The following TUBGCP4 variants were observed in gnomAD, a reference collection of about 807,000 sequenced individuals.
TUBGCP4 encodes the protein tubulin gamma complex component 4.
Under a neutral mutation model 91.6 loss-of-function variants are expected in TUBGCP4, and 54 were observed. The ratio of observed to expected loss-of-function variants is 0.59; its 90% CI spans 0.47 to 0.74. The LOEUF is 0.74. Among genes scored for constraint, TUBGCP4 ranks in the 30% least tolerant of loss-of-function variants. The pLI is 0.00. For synonymous variants in TUBGCP4, 297 were observed against 302.8 expected (o/e 0.98, Z 0.20); for missense variants, 593 against 800.9 (o/e 0.74, Z 3.13).
Position 43,395,043 on chromosome 15 carries a change from C to A in TUBGCP4, c.1015-64C>A, listed in dbSNP as rs376936296. 4.1e-5 allele frequency: 63 copies of A among 1,552,966 alleles called. 1 individual carries two copies. In the African/African-American group the frequency reaches 7.5e-4, roughly 18 times the overall value. On this transcript the variant is annotated intron_variant, in intron 9 of 17. Transcript: ENST00000564079. Reference sequence around the variant, plus strand: ...AATACATTGCTGGATTTGTATGGAACCATTCTTTGCAGGAGTTCTCACTGT... The same window carrying A: ...AATACATTGCTGGATTTGTATGGAAACATTCTTTGCAGGAGTTCTCACTGT...
intron 15 of TUBGCP4, chr15:43,402,335 A>C (rs531006792): frequency 6.5e-6 from 1 of 154,286 alleles, no homozygotes; most frequent in East Asian, 1.9e-4. Flanking sequence ...AAGGCATGTT[A>C]AACGGGACCT....
intron 7 of TUBGCP4, chr15:43,385,383 T>G (rs2044339871): frequency 2.2e-6 from 1 of 457,384 alleles, no homozygotes; most frequent in African/African-American, 2.0e-5. Flanking sequence ...GAAGACGATG[T>G]GATTGTATAG....
Position 43,381,517 on chromosome 15 carries a change from G to A in TUBGCP4, c.521+1354G>A, listed in dbSNP as rs112481969. Among the ~76,000 whole-genome samples, 726 of 152,202 alleles carry A rather than the reference G, an allele frequency of 4.8e-3. 9 individuals are homozygous for A. The highest frequency in any genetic ancestry group is 0.017 in the African/African-American group (710 of 41,550). On this transcript the variant is annotated intron_variant, in intron 6 of 17. Transcript: ENST00000564079. The stretch of plus-strand genomic sequence containing the variant: ...TTTGGAAGGCTGAGGCAGAGGGATC[G>A]CTTGAGCCCAGGAGTTCGAGACCAG...
At chr15:43,393,423 A>G (rs1418735666) in intron 9 of TUBGCP4, among the ~76,000 whole-genome samples, 3 of 151,092 alleles carry the variant, frequency 2.0e-5, no homozygotes. Context: ...GTTGGCCAGG[A>G]TGGTTTCGAT....
At position 43,379,640 on chromosome 15, in the gene TUBGCP4, C is replaced by CAA. The variant is rs1166566829; in HGVS notation, c.442-423_442-422dup. ...TGGGCGACAGAGCAAGACTCCGTCTCAAAAAAAAAAAAAAAAAAAAAAGTC... is the reference window on the plus strand; with the variant it reads ...TGGGCGACAGAGCAAGACTCCGTCTCAAAAAAAAAAAAAAAAAAAAAAAAGTC... On this transcript the variant is annotated intron_variant, in intron 5 of 17. Coordinates refer to ENST00000564079, the MANE Select transcript of TUBGCP4 (RefSeq NM_014444.5). Among the ~76,000 whole-genome samples the CAA allele has an allele frequency of 4.9e-3, 302 of 61,640 alleles. 1 individual carries two copies. The highest frequency in any genetic ancestry group is 0.012 in the Non-Finnish European group (258 of 22,040). The allele number at this position is 61,640 out of a possible 152,430, so 40.4% of individuals were successfully genotyped here. A position where few individuals can be genotyped will look rare whatever the true frequency, so the allele number is the denominator to read the frequency against.
intron 9 of TUBGCP4, among the ~76,000 whole-genome samples, chr15:43,390,822 A>T (rs1467147313): frequency 1.3e-5 from 2 of 151,484 alleles, no homozygotes; most frequent in African/African-American, 4.9e-5. Flanking sequence ...TCTTTAATTT[A>T]AAAAAAATTT....
intron 7 of TUBGCP4, among the ~76,000 whole-genome samples, chr15:43,384,310 A>G: frequency 6.6e-6 from 1 of 152,228 alleles, no homozygotes; most frequent in Non-Finnish European, 1.5e-5. Flanking sequence ...GAAGAGATAT[A>G]GAAAAGTAAA....
chr15:43,397,513 A>G (rs2044602065), intron 12 of TUBGCP4, among the ~76,000 whole-genome samples, 192 bp downstream of exon 12: 1 of 152,074 alleles, frequency 6.6e-6, no homozygotes, highest in South Asian at 2.1e-4. Context: ...TGCCCAGGCC[A>G]TGTTTTGGGG....
At position 43,383,445 on chromosome 15, in the gene TUBGCP4, G is replaced by A; in HGVS notation, c.664G>A (p.Glu222Lys). The A allele has an allele frequency of 7.4e-6, 12 of 1,614,070 alleles. No homozygotes were observed. Among genetic ancestry groups the A allele is most frequent in the South Asian group, 3.3e-5 (3 of 91,064 alleles). The change falls in exon 7 of 18, where the codon GAG becomes AAG. Residue 222 changes from glutamate to lysine, a missense_variant. Coordinates refer to ENST00000564079, the MANE Select transcript of TUBGCP4 (RefSeq NM_014444.5). The part of the protein sequence containing the change: ...GNVSAQPEED[E>K]EDLGIGGLTG... ...TGTCAGTGCCCAGCCAGAAGAGGAC[G>A]AGGAGGATCTGGGCATTGGGGGACT...
rs1443365096 is a variant in TUBGCP4 at position 43,376,241 on chromosome 15, C to T, written c.207+15C>T. On this transcript the variant is annotated intron_variant, in intron 2 of 17. Coordinates refer to ENST00000564079, the MANE Select transcript of TUBGCP4 (RefSeq NM_014444.5). ...TGCAACAGCAGGTGGGTCCTGTTCT[C>T]TGTGGGTGTACACCTCTAGAGGGCA... is the stretch of plus-strand genomic sequence containing the variant. The T allele has an allele frequency of 1.7e-5, 27 of 1,612,634 alleles. No homozygotes were observed. The highest frequency in any genetic ancestry group is 2.2e-5 in the East Asian group (1 of 44,878).
rs1001324267 is a variant in TUBGCP4 at position 43,409,438 on chromosome 15, T to G, written c.*4224T>G. The G allele has an allele frequency of 1.9e-6, 1 of 539,216 alleles. No individual in the cohort carries two copies. Among genetic ancestry groups the G allele is most frequent in the Non-Finnish European group, 3.3e-6 (1 of 305,452 alleles). 33.4% of individuals were successfully genotyped at this position (539,216 alleles called of 1,614,324 possible). On this transcript the variant is annotated 3_prime_UTR_variant, in exon 18 of 18. Coordinates refer to ENST00000564079, the MANE Select transcript of TUBGCP4 (RefSeq NM_014444.5). ...TTCTTTTGTCCCAGCAACAGAACCA[T>G]AGCCATTAACTAACCCAAGGTCCTA... is the stretch of plus-strand genomic sequence containing the variant.
intron 5 of TUBGCP4, 97 bp from the exon 6 acceptor site, chr15:43,379,987 C>T (rs1166629603): frequency 8.4e-7 from 1 of 1,185,948 alleles, no homozygotes; most frequent in Non-Finnish European, 1.3e-6. Flanking sequence ...CCCAGTCTCT[C>T]CTAGATTGTG....
intron 1 of TUBGCP4, among the ~76,000 whole-genome samples, chr15:43,372,525 T>A (rs776453796): frequency 2.7e-5 from 4 of 146,206 alleles, no homozygotes; most frequent in Non-Finnish European, 5.9e-5. Flanking sequence ...TAGATCTTAG[T>A]ACAATGCCAG....
rs2044997915 is a variant in TUBGCP4, at chr15:43,408,497, T to C, written c.*3283T>C. ...CTTCATCTTAAAAAACTAAGCCCTATATTAGGGTCCCCCTTCTCTTCCTTC... is the reference window on the plus strand; with the variant it reads ...CTTCATCTTAAAAAACTAAGCCCTACATTAGGGTCCCCCTTCTCTTCCTTC... On this transcript the variant is annotated 3_prime_UTR_variant, in exon 18 of 18. Transcript: ENST00000564079. 1 of 271,910 alleles carries C rather than the reference T, an allele frequency of 3.7e-6. No homozygotes were observed. The highest frequency in any genetic ancestry group is 7.1e-6 in the Non-Finnish European group (1 of 140,948). The allele number at this position is 271,910 out of a possible 1,614,324, so 16.8% of individuals were successfully genotyped here. A position where few individuals can be genotyped will look rare whatever the true frequency, so the allele number is the denominator to read the frequency against.
chr15:43,376,767 G>A, intron 3 of TUBGCP4, 142 bp downstream of exon 3: 1 of 1,235,720 alleles, frequency 8.1e-7, no homozygotes, highest in Non-Finnish European at 1.1e-6. Flanking sequence ...TTCTCTCAGT[G>A]ATTGCCCAAC....
At chr15:43,403,409 G>C (rs963395420) in intron 15 of TUBGCP4, 45 of 289,096 alleles carry the variant, frequency 1.6e-4, no homozygotes, top group Non-Finnish European at 2.7e-4. Flanking sequence ...CACTCTGCGG[G>C]TCTAAGAAAT....
At chr15:43,392,696 G>A (rs942705566) in intron 9 of TUBGCP4, among the ~76,000 whole-genome samples, 16 of 152,010 alleles carry the variant, frequency 1.1e-4, no homozygotes, top group Admixed American at 5.2e-4. Flanking sequence ...ATGGGGTTTC[G>A]CCATGTTGTG....
chr15:43,401,667 G>C (rs778354783), intron 14 of TUBGCP4, 49 bp from the exon 15 acceptor site: 10 of 1,596,432 alleles, frequency 6.3e-6, no homozygotes, highest in Non-Finnish European at 8.6e-6. Context: ...TAATGTCTTC[G>C]AGTGCTTAGA....
Position 43,384,027 on chromosome 15 carries a change from T to G in TUBGCP4, c.723+523T>G, listed in dbSNP as rs189534726. On this transcript the variant is annotated intron_variant, in intron 7 of 17. Coordinates refer to ENST00000564079, the MANE Select transcript of TUBGCP4 (RefSeq NM_014444.5). Reference sequence around the variant, plus strand: ...CAGGGTTTTGTCATGTTGGCCAGGCTGGTCTCGAACGCCTGACCTCAGGTG... The same window carrying G: ...CAGGGTTTTGTCATGTTGGCCAGGCGGGTCTCGAACGCCTGACCTCAGGTG... Among the ~76,000 whole-genome samples, 4 of 152,312 alleles carry G rather than the reference T, an allele frequency of 2.6e-5. No individual in the cohort carries two copies. The East Asian group carries it at 7.7e-4, about 29-fold the overall frequency.
Sources: gnomAD v4.1 joint callset for allele counts (sites outside exome capture counted in the v4.1 genomes callset) on GRCh38, gnomAD v4.1.1 for gene constraint, MANE v1.5 for transcripts, NCBI Gene and HGNC (gene_info 2026-07-23, HGNC 2026-07-21) for gene names.